The following CPA6 variants were observed in gnomAD, a reference collection of about 807,000 sequenced individuals.
The protein encoded by CPA6 is carboxypeptidase B.
CPA6 carries 58 observed loss-of-function variants against 63.3 expected under a neutral mutation model. The ratio of observed to expected loss-of-function variants is 0.92; its 90% CI spans 0.74 to 1.14. The LOEUF (loss-of-function observed/expected upper bound fraction) is 1.14, where lower values mean the gene tolerates loss of function less well. Ranked by LOEUF, CPA6 falls within the 50% of genes most tolerant of loss-of-function variation. The pLI is 0.00. For synonymous variants in CPA6, 185 were observed against 179.0 expected (o/e 1.03, Z -0.27); for missense variants, 565 against 526.6 (o/e 1.07, Z -0.71).
intron 9 of CPA6, among the ~76,000 whole-genome samples, chr8:67,431,108 C>T (rs1004677545): frequency 3.3e-5 from 5 of 152,168 alleles, no homozygotes; most frequent in Admixed American, 6.5e-5. Context: ...AAGCAATCCT[C>T]CAGCCTGGGC....
intron 2 of CPA6, among the ~76,000 whole-genome samples, chr8:67,568,044 G>A (rs1015067832): frequency 2.0e-4 from 31 of 152,074 alleles, no homozygotes; most frequent in Admixed American, 1.2e-3. Flanking sequence ...TGAATTCAGG[G>A]CAAAGGGAGC....
intron 2 of CPA6, among the ~76,000 whole-genome samples, chr8:67,561,039 TA>T (rs887237676): frequency 1.3e-5 from 2 of 152,188 alleles, no homozygotes; most frequent in African/African-American, 4.8e-5. Context: ...AATCTCCTTT[TA>T]AAATTCCTAT....
chr8:67,529,662 G>A lies in CPA6; in HGVS notation c.193-11615C>T, dbSNP rs118071197. On this transcript the variant is annotated intron_variant, in intron 2 of 10. Coordinates refer to ENST00000297770, the MANE Select transcript of CPA6 (RefSeq NM_020361.5). ...GAAAATAAGTAGGTCAAGTGAAAAC[G>A]AACACACTGATTGGCTACTTTTCTC... is the stretch of plus-strand genomic sequence containing the variant. Among the ~76,000 whole-genome samples, 401 of 152,290 alleles carry A rather than the reference G, an allele frequency of 2.6e-3. 3 individuals are homozygous for A. The Middle Eastern group carries it at 0.041, about 16-fold the overall frequency.
At chr8:67,671,968 T>A (rs1285852853) in intron 1 of CPA6, among the ~76,000 whole-genome samples, 3 of 152,068 alleles carry the variant, frequency 2.0e-5, no homozygotes, top group Admixed American at 1.3e-4. Flanking sequence ...TAGCTGGAAT[T>A]ACAGGTGCGC....
At chr8:67,736,296 T>A (rs1488415491) in intron 1 of CPA6, among the ~76,000 whole-genome samples, 2 of 152,154 alleles carry the variant, frequency 1.3e-5, no homozygotes, top group Admixed American at 1.3e-4. Flanking sequence ...CTCTATCAGC[T>A]CCCCACATTG....
In CPA6 at chr8:67,666,425, G is replaced by T. The variant is rs1218916794; in HGVS notation, c.117-42174C>A. On this transcript the variant is annotated intron_variant, in intron 1 of 10. Coordinates refer to ENST00000297770, the MANE Select transcript of CPA6 (RefSeq NM_020361.5). ...CAAGGATTCACTGAGAGAGGGGTGG[G>T]GAGGGGGGCACTCTCACCAGCGGAG... 3.3e-5 allele frequency among the ~76,000 whole-genome samples: 5 copies of T among 152,122 alleles called. No homozygotes were observed. In the East Asian group the frequency reaches 9.7e-4, roughly 29 times the overall value.
intron 4 of CPA6, among the ~76,000 whole-genome samples, chr8:67,510,761 T>C (rs1370031745): frequency 1.3e-5 from 2 of 152,178 alleles, no homozygotes; most frequent in Non-Finnish European, 2.9e-5. Flanking sequence ...GGTCACTGTT[T>C]GCCTGCCACT....
At chr8:67,715,109 A>C (rs1222606074) in intron 1 of CPA6, among the ~76,000 whole-genome samples, 1 of 151,970 alleles carries the variant, frequency 6.6e-6, no homozygotes, top group Non-Finnish European at 1.5e-5. Flanking sequence ...TTCCCGATAC[A>C]AACCAATTCT....
chr8:67,450,708 T>C (rs1810539199), intron 8 of CPA6, among the ~76,000 whole-genome samples: 2 of 152,202 alleles, frequency 1.3e-5, no homozygotes, highest in Non-Finnish European at 2.9e-5. Context: ...ATTGGCTGTA[T>C]AGCCACAGTG....
At chr8:67,438,782 G>A (rs995699475) in intron 8 of CPA6, among the ~76,000 whole-genome samples, 2 of 151,958 alleles carry the variant, frequency 1.3e-5, no homozygotes, top group African/African-American at 4.8e-5. Context: ...AAAGAGGGAG[G>A]TGGGCAGGGA....
intron 1 of CPA6, among the ~76,000 whole-genome samples, chr8:67,684,534 A>G (rs1816670747): frequency 6.6e-6 from 1 of 152,126 alleles, no homozygotes; most frequent in Non-Finnish European, 1.5e-5. Context: ...GTTTCACCAC[A>G]GGCTGAGGAA....
intron 1 of CPA6, among the ~76,000 whole-genome samples, chr8:67,719,018 C>T (rs1817440026): frequency 6.6e-6 from 1 of 152,062 alleles, no homozygotes; most frequent in South Asian, 2.1e-4. Context: ...AGTCTGGCTG[C>T]CAATATTTTT....
intron 1 of CPA6, among the ~76,000 whole-genome samples, chr8:67,676,737 T>TTCAA (rs1816482588): frequency 6.6e-6 from 1 of 152,246 alleles, no homozygotes; most frequent in Non-Finnish European, 1.5e-5. Flanking sequence ...AAGAAGTTTA[T>TTCAA]GTTAATTGAA....
rs1283683622 is a variant in CPA6, at chr8:67,524,744, C to T, written c.193-6697G>A. The stretch of plus-strand genomic sequence containing the variant: ...TGTTAATATTTGTTTCCCCCATTCT[C>T]TGTGACAGTAGGGACTGATATATTT... On this transcript the variant is annotated intron_variant, in intron 2 of 10. Coordinates refer to ENST00000297770, the MANE Select transcript of CPA6 (RefSeq NM_020361.5). 2.0e-5 allele frequency among the ~76,000 whole-genome samples: 3 copies of T among 151,974 alleles called. No individual in the cohort carries two copies. In the East Asian group the frequency reaches 5.8e-4, roughly 29 times the overall value.
At chr8:67,436,207 G>C (rs537886978) in intron 8 of CPA6, among the ~76,000 whole-genome samples, 1 of 152,236 alleles carries the variant, frequency 6.6e-6, no homozygotes, top group Admixed American at 6.5e-5. Flanking sequence ...TGGCACAGAG[G>C]CTGAGTGGAC....
At chr8:67,663,786 G>C (rs769083439) in intron 1 of CPA6, among the ~76,000 whole-genome samples, 76 of 152,028 alleles carry the variant, frequency 5.0e-4, no homozygotes, top group Non-Finnish European at 1.0e-3. Context: ...ATGGGCATTT[G>C]GGTTGATTCC....
At chr8:67,626,846 G>C (rs1034865650) in intron 1 of CPA6, among the ~76,000 whole-genome samples, 4 of 150,850 alleles carry the variant, frequency 2.7e-5, no homozygotes, top group Non-Finnish European at 4.4e-5. Context: ...ATCTGTAGCT[G>C]TTTTACAGCC....
chr8:67,690,514 G>A (rs1373714437), intron 1 of CPA6, among the ~76,000 whole-genome samples: 3 of 152,066 alleles, frequency 2.0e-5, no homozygotes. Flanking sequence ...TTGTTCTAAG[G>A]TATGTTATTT....
intron 6 of CPA6, among the ~76,000 whole-genome samples, chr8:67,484,996 A>C (rs1268092805): frequency 6.6e-6 from 1 of 152,226 alleles, no homozygotes; most frequent in Non-Finnish European, 1.5e-5. Flanking sequence ...CTTTTAGCAG[A>C]GCTGTTAAAA....
Sources: allele counts gnomAD v4.1 joint callset (sites outside exome capture counted in the v4.1 genomes callset), GRCh38; gene constraint gnomAD v4.1.1; transcripts MANE v1.5; gene names NCBI Gene and HGNC (gene_info 2026-07-23, HGNC 2026-07-21).